The following CECR2 variants were observed in gnomAD, a reference collection of about 807,000 sequenced individuals.
The protein encoded by CECR2 is CECR2 histone acetyl-lysine reader, also known as chromatin remodeling regulator CECR2.
CECR2 carries 30 observed loss-of-function variants against 154.5 expected under a neutral mutation model. That is an observed-to-expected ratio of 0.19 (90% CI 0.15 to 0.26). The LOEUF is 0.26. Among genes scored for constraint, CECR2 ranks in the 10% least tolerant of loss-of-function variants. The pLI, the probability that CECR2 is intolerant of heterozygous loss-of-function variation, is 1.00. For synonymous variants in CECR2, 725 were observed against 683.7 expected (o/e 1.06, Z -0.94); for missense variants, 1,743 against 1,829.3 (o/e 0.95, Z 0.86).
intron 16 of CECR2, among the ~76,000 whole-genome samples, chr22:17,545,642 A>T (rs565359391): frequency 1.3e-5 from 2 of 151,982 alleles, no homozygotes; most frequent in South Asian, 4.2e-4. Context: ...TAGGAGTTCA[A>T]AACTAGCCTG....
intron 9 of CECR2, among the ~76,000 whole-genome samples, chr22:17,533,144 C>T (rs937284665): frequency 6.6e-6 from 1 of 151,220 alleles, no homozygotes; most frequent in Admixed American, 6.6e-5. Flanking sequence ...GGTGAAACCC[C>T]GTCTCTACTA....
chr22:17,424,460 A>G (rs61697390), intron 1 of CECR2: 10,580 of 160,404 alleles, frequency 0.066, 965 homozygotes, highest in East Asian at 0.36. Context: ...AGACCCTGGC[A>G]GCAGTCGATG....
chr22:17,387,131 T>G lies in CECR2; in HGVS notation c.126+17222T>G, dbSNP rs116228552. Among the ~76,000 whole-genome samples the G allele has an allele frequency of 7.9e-3, 1,205 of 152,326 alleles. 17 individuals are homozygous for G. Among genetic ancestry groups the G allele is most frequent in the African/African-American group, 0.026 (1,086 of 41,584 alleles). On this transcript the variant is annotated intron_variant, in intron 1 of 18. Transcript: ENST00000262608. ...GTATACAAATAAGCTATTCAGGTAT[T>G]TATGTTCTGTGTTATGTTTAATAAC...
chr22:17,470,387 C>T (rs908432481), intron 1 of CECR2, among the ~76,000 whole-genome samples: 2 of 128,600 alleles, frequency 1.6e-5, no homozygotes, highest in African/African-American at 3.2e-5. Flanking sequence ...GCAGAGACTC[C>T]GTCTCAAAAA....
intron 5 of CECR2, among the ~76,000 whole-genome samples, chr22:17,502,767 C>T (rs1401452193): frequency 7.2e-5 from 11 of 152,136 alleles, no homozygotes; most frequent in Non-Finnish European, 1.6e-4. Context: ...CGCGCCATTG[C>T]ACTCCAGCCT....
At chr22:17,541,567 G>A (rs1386239316) in intron 14 of CECR2, among the ~76,000 whole-genome samples, 1 of 152,188 alleles carries the variant, frequency 6.6e-6, no homozygotes. Context: ...GGGAGAAACG[G>A]CTAAAATGGA....
chr22:17,489,328 T>TC (rs1222660318), intron 2 of CECR2, among the ~76,000 whole-genome samples: 1 of 152,242 alleles, frequency 6.6e-6, no homozygotes, highest in Non-Finnish European at 1.5e-5. Context: ...AATTTGCATT[T>TC]CCCCGATGAC....
chr22:17,429,547 AAAACAAAAAC>A lies in CECR2; in HGVS notation c.127-48037_127-48028del, dbSNP rs1334607942. ...CACAACCCCATCTCTACCAAAAACA[AAAACAAAAAC>A]AAAGAAAAGAAAAGAAAAAAGAGAT... is the stretch of plus-strand genomic sequence containing the variant. On this transcript the variant is annotated intron_variant, in intron 1 of 18. Transcript: ENST00000262608. Among the ~76,000 whole-genome samples, 8 of 146,534 alleles carry A rather than the reference AAAACAAAAAC, an allele frequency of 5.5e-5. 1 individual carries two copies. Among genetic ancestry groups the A allele is most frequent in the Non-Finnish European group, 1.0e-4 (7 of 67,732 alleles).
intron 5 of CECR2, 148 bp downstream of exon 5, chr22:17,500,883 A>G: frequency 1.7e-6 from 1 of 605,728 alleles, no homozygotes; most frequent in East Asian, 2.8e-5. Flanking sequence ...CCACATGTGC[A>G]GTACAGTCAG....
At chr22:17,428,826 G>GTGTATATA (rs369291932) in intron 1 of CECR2, among the ~76,000 whole-genome samples, 1 of 150,594 alleles carries the variant, frequency 6.6e-6, no homozygotes, top group African/African-American at 2.5e-5. Context: ...GTGTGTGTGT[G>GTGTATATA]TATATAAAGG....
At chr22:17,393,306 A>C (rs527513088) in intron 1 of CECR2, among the ~76,000 whole-genome samples, 1 of 152,196 alleles carries the variant, frequency 6.6e-6, no homozygotes, top group Non-Finnish European at 1.5e-5. Flanking sequence ...TTCATTTAGC[A>C]TAATGTTTTT....
chr22:17,531,702 G>A (rs957224035), intron 9 of CECR2, among the ~76,000 whole-genome samples: 1 of 152,172 alleles, frequency 6.6e-6, no homozygotes, highest in African/African-American at 2.4e-5. Flanking sequence ...CTGATCCTCA[G>A]ATACAGAAAG....
At chr22:17,447,729 C>T (rs894891473) in intron 1 of CECR2, among the ~76,000 whole-genome samples, 2 of 151,924 alleles carry the variant, frequency 1.3e-5, no homozygotes, top group African/African-American at 2.4e-5. Context: ...AAAAGTTCTC[C>T]GTGGCAGTTT....
At chr22:17,509,330 G>A (rs1569130827) in intron 7 of CECR2, among the ~76,000 whole-genome samples, 1 of 152,120 alleles carries the variant, frequency 6.6e-6, no homozygotes. Context: ...GGAAGAGTCA[G>A]GAGCTTTTCT....
chr22:17,421,381 C>T lies in CECR2; in HGVS notation c.126+51472C>T, dbSNP rs558874060. Among the ~76,000 whole-genome samples, 18 of 151,976 alleles carry T rather than the reference C, an allele frequency of 1.2e-4. No individual in the cohort carries two copies. In the Middle Eastern group the frequency reaches 0.01, roughly 86 times the overall value. Reference sequence around the variant, plus strand: ...CTGTAATCCCAGCACTTTGGGAGGCCGAGGCGGGCGGATCACGAGGTCAGG... The same window carrying T: ...CTGTAATCCCAGCACTTTGGGAGGCTGAGGCGGGCGGATCACGAGGTCAGG... On this transcript the variant is annotated intron_variant, in intron 1 of 18. Coordinates refer to ENST00000262608, the MANE Select transcript of CECR2 (RefSeq NM_001290047.2).
At chr22:17,458,432 A>G (rs2054887364) in intron 1 of CECR2, among the ~76,000 whole-genome samples, 1 of 151,046 alleles carries the variant, frequency 6.6e-6, no homozygotes, top group Non-Finnish European at 1.5e-5. Context: ...AAAAAAAAGC[A>G]TAGAACCACA....
At chr22:17,435,866 T>C (rs1313481473) in intron 1 of CECR2, among the ~76,000 whole-genome samples, 4 of 152,132 alleles carry the variant, frequency 2.6e-5, no homozygotes, top group Non-Finnish European at 5.9e-5. Flanking sequence ...TAGCTATGAA[T>C]TATCAGTCAT....
intron 1 of CECR2, among the ~76,000 whole-genome samples, chr22:17,413,826 G>A (rs2054103374): frequency 1.3e-5 from 2 of 150,598 alleles, no homozygotes; most frequent in Non-Finnish European, 2.9e-5. Flanking sequence ...ACAAGTGCCT[G>A]CCACCACGGC....
chr22:17,506,923 T>G (rs537352835), intron 7 of CECR2, among the ~76,000 whole-genome samples: 1 of 152,226 alleles, frequency 6.6e-6, no homozygotes, highest in South Asian at 2.1e-4. Flanking sequence ...CCAAGTGTTA[T>G]GATTACAGGC....
Sources: gnomAD v4.1 joint callset for allele counts (sites outside exome capture counted in the v4.1 genomes callset) on GRCh38, gnomAD v4.1.1 for gene constraint, MANE v1.5 for transcripts, NCBI Gene and HGNC (gene_info 2026-07-23, HGNC 2026-07-21) for gene names.